GLG1: variants seen among roughly 807,000 people sequenced by gnomAD.
GLG1 encodes Golgi apparatus protein 1.
In GLG1, 38 loss-of-function variants were observed where a neutral mutation model predicts 160.5. The ratio of observed to expected loss-of-function variants is 0.24; its 90% confidence interval spans 0.18 to 0.31. GLG1 has a LOEUF of 0.31. Among genes scored for constraint, GLG1 ranks in the 10% least tolerant of loss-of-function variants. GLG1 has a pLI of 1.00. For synonymous variants in GLG1, 644 were observed against 543.4 expected (o/e 1.19, Z -2.57); for missense variants, 1,373 against 1,505.2 (o/e 0.91, Z 1.45).
At chr16:74,471,514 T>C (rs996357117) in intron 14 of GLG1, among the ~76,000 whole-genome samples, 1 of 152,176 alleles carries the variant, frequency 6.6e-6, no homozygotes, top group African/African-American at 2.4e-5. Flanking sequence ...ATACGCTTTT[T>C]TTTTCACTTT....
chr16:74,551,369 A>G (rs1383819026), intron 1 of GLG1, among the ~76,000 whole-genome samples: 1 of 151,628 alleles, frequency 6.6e-6, no homozygotes, highest in Non-Finnish European at 1.5e-5. Context: ...ATTTCGGCTC[A>G]CTGCAACCTT....
chr16:74,471,381 T>C, intron 14 of GLG1, 95 bp from the exon 15 acceptor site: 1 of 728,668 alleles, frequency 1.4e-6, no homozygotes, highest in East Asian at 2.5e-5. Context: ...AGGTTAGTTC[T>C]AGAAGCCCTC....
At chr16:74,463,562 C>T (rs574240566) in intron 19 of GLG1, 83 bp from the exon 20 acceptor site, 18 of 1,379,198 alleles carry the variant, frequency 1.3e-5, no homozygotes, top group Admixed American at 1.8e-5. Flanking sequence ...TTTCTGGAGA[C>T]GGAGTCTCAC....
rs1014938893 is a variant in GLG1 at position 74,449,015 on chromosome 16, C to G, written c.*4152G>C. On this transcript the variant is annotated 3_prime_UTR_variant, in exon 26 of 26. Coordinates refer to ENST00000422840, the MANE Select transcript of GLG1 (RefSeq NM_001145667.2). ...ACTCCGGAGGCTGAGGCAGGACAAT[C>G]GCTTGAACCAGGGAGTCGGAGGATT... is the stretch of plus-strand genomic sequence containing the variant. The G allele has an allele frequency of 6.6e-6, 1 of 151,840 alleles. No homozygotes were observed. The highest frequency in any genetic ancestry group is 1.5e-5 in the Non-Finnish European group (1 of 68,088). The allele number at this position is 151,840 out of a possible 1,614,324, so 9.4% of individuals were successfully genotyped here. A position where few individuals can be genotyped will look rare whatever the true frequency, so the allele number is the denominator to read the frequency against.
chr16:74,597,352 A>G (rs935217822), intron 1 of GLG1, among the ~76,000 whole-genome samples: 3 of 149,956 alleles, frequency 2.0e-5, no homozygotes, highest in African/African-American at 7.4e-5. Context: ...AATCGCTTGA[A>G]CCAGGGAGGC....
chr16:74,494,036 G>T (rs190497410), intron 6 of GLG1, among the ~76,000 whole-genome samples: 2 of 151,878 alleles, frequency 1.3e-5, no homozygotes, highest in Non-Finnish European at 2.9e-5. Context: ...TTAGCTGGGC[G>T]TGTTGTCAGG....
At chr16:74,548,025 A>G (rs2432597) in intron 1 of GLG1, among the ~76,000 whole-genome samples, 32 of 152,246 alleles carry the variant, frequency 2.1e-4, no homozygotes, top group Admixed American at 2.6e-4. Flanking sequence ...CCACCTCTGC[A>G]TTCAAACGAT....
At chr16:74,584,532 A>G (rs1389686911) in intron 1 of GLG1, among the ~76,000 whole-genome samples, 1 of 152,156 alleles carries the variant, frequency 6.6e-6, no homozygotes, top group Non-Finnish European at 1.5e-5. Flanking sequence ...CTAGGGAGCT[A>G]AGTAAGCTAT....
intron 1 of GLG1, among the ~76,000 whole-genome samples, chr16:74,574,787 G>C (rs372205427): frequency 2.7e-4 from 38 of 139,190 alleles, no homozygotes; most frequent in Non-Finnish European, 4.5e-4. Flanking sequence ...GAAAGGCTGA[G>C]ACACAAGAAT....
intron 8 of GLG1, among the ~76,000 whole-genome samples, chr16:74,486,959 G>A (rs2015812677): frequency 1.3e-5 from 2 of 149,214 alleles, no homozygotes; most frequent in Non-Finnish European, 3.0e-5. Context: ...TGTCACCCAG[G>A]CTGGAGTGCA....
chr16:74,459,854 C>T (rs1597219862), intron 22 of GLG1, 65 bp from the exon 23 acceptor site: 17 of 642,582 alleles, frequency 2.6e-5, no homozygotes, highest in Admixed American at 6.6e-5. Context: ...ACAGTTTCTT[C>T]TTTTTTTTTT....
chr16:74,594,776 G>A (rs192452069), intron 1 of GLG1, among the ~76,000 whole-genome samples: 76 of 152,254 alleles, frequency 5.0e-4, no homozygotes, highest in African/African-American at 1.7e-3. Context: ...CTCTCACTCT[G>A]TTGCCCAGGC....
Position 74,597,295 on chromosome 16 carries a change from G to A in GLG1, c.438+9362C>T, listed in dbSNP as rs1958328007. On this transcript the variant is annotated intron_variant, in intron 1 of 25. Coordinates refer to ENST00000422840, the MANE Select transcript of GLG1 (RefSeq NM_001145667.2). Reference sequence around the variant, plus strand: ...AAAATACAAAAATTACCTGGGCGTGGTGGGGTGCGCCTATAGTCCCAGCTA... The same window carrying A: ...AAAATACAAAAATTACCTGGGCGTGATGGGGTGCGCCTATAGTCCCAGCTA... Among the ~76,000 whole-genome samples, 3 of 151,772 alleles carry A rather than the reference G, an allele frequency of 2.0e-5. No individual in the cohort carries two copies. In the South Asian group the frequency reaches 6.2e-4, roughly 32 times the overall value.
intron 1 of GLG1, among the ~76,000 whole-genome samples, chr16:74,600,714 T>A (rs1958421657): frequency 8.0e-6 from 1 of 125,542 alleles, no homozygotes; most frequent in Non-Finnish European, 1.6e-5. Context: ...TCTGGGCGAC[T>A]GAGAAAGATT....
intron 21 of GLG1, 96 bp from the exon 22 acceptor site, chr16:74,462,291 C>T (rs1186970571): frequency 4.9e-6 from 4 of 808,978 alleles, no homozygotes; most frequent in African/African-American, 1.7e-5. Context: ...ACAACAACCA[C>T]AAGAACAAGA....
At chr16:74,491,537 A>G (rs1295065463) in intron 7 of GLG1, among the ~76,000 whole-genome samples, 2 of 152,016 alleles carry the variant, frequency 1.3e-5, no homozygotes, top group African/African-American at 2.4e-5. Flanking sequence ...AACAATCTCC[A>G]TTGGCCTACA....
chr16:74,495,131 A>G (rs1449000482), intron 5 of GLG1, among the ~76,000 whole-genome samples: 1 of 116,610 alleles, frequency 8.6e-6, no homozygotes, highest in East Asian at 2.8e-4. Context: ...TTTTTTTGAG[A>G]TAGAGTCAGT....
intron 1 of GLG1, among the ~76,000 whole-genome samples, chr16:74,586,759 C>T (rs1281506238): frequency 4.0e-5 from 6 of 151,616 alleles, no homozygotes; most frequent in African/African-American, 1.2e-4. Flanking sequence ...AGTGCAGTGG[C>T]GTGATCTCAG....
Position 74,491,083 on chromosome 16 carries a change from T to C in GLG1, c.1367A>G (p.His456Arg), listed in dbSNP as rs2015965494. The C allele has an allele frequency of 1.2e-6, 2 of 1,614,082 alleles. No homozygotes were observed. Among genetic ancestry groups the C allele is most frequent in the Non-Finnish European group, 8.5e-7 (1 of 1,180,016 alleles). The change falls in exon 8 of 26, where the codon CAT becomes CGT. Residue 456 changes from histidine to arginine, a missense_variant. Transcript: ENST00000422840. ...GEIEHHCSGL[H>R]RKGRTLHCLM... is the part of the protein sequence containing the mutation. ...ACAGTGTAGGGTCCGCCCTTTTCGA[T>C]GTAATCCGGAACAATGGTGTTCAAT...
Sources: gnomAD v4.1 joint callset for allele counts (sites outside exome capture counted in the v4.1 genomes callset) on GRCh38, gnomAD v4.1.1 for gene constraint, MANE v1.5 for transcripts, NCBI Gene and HGNC (gene_info 2026-07-23, HGNC 2026-07-21) for gene names.